The following SUSD3 variants were observed in gnomAD, a reference collection of about 807,000 sequenced individuals.
The protein encoded by SUSD3 is sushi domain-containing protein 3.
A neutral mutation model predicts 20.6 loss-of-function variants in SUSD3; 18 were observed. That is an observed-to-expected ratio of 0.87 (90% CI 0.60 to 1.30). The LOEUF (loss-of-function observed/expected upper bound fraction) is 1.30, where lower values mean the gene tolerates loss of function less well. Among genes scored for constraint, SUSD3 ranks in the 50% most tolerant of loss-of-function variants. SUSD3 has a pLI of 0.00. For synonymous variants in SUSD3, 137 were observed against 141.5 expected (o/e 0.97, Z 0.23); for missense variants, 306 against 346.9 (o/e 0.88, Z 0.94).
At chr9:93,062,845 T>C (rs983168170) in intron 1 of SUSD3, among the ~76,000 whole-genome samples, 6 of 152,130 alleles carry the variant, frequency 3.9e-5, no homozygotes, top group Non-Finnish European at 8.8e-5. Context: ...GGGAGTTGGG[T>C]GCAGGTAGAG....
At chr9:93,074,652 A>C (rs1587911603) in intron 1 of SUSD3, among the ~76,000 whole-genome samples, 2 of 122,072 alleles carry the variant, frequency 1.6e-5, no homozygotes, top group Non-Finnish European at 1.6e-5. Context: ...ATGCAGTCTC[A>C]CTCTGTTGCC....
At chr9:93,062,860 T>G (rs907608712) in intron 1 of SUSD3, among the ~76,000 whole-genome samples, 1 of 152,160 alleles carries the variant, frequency 6.6e-6, no homozygotes, top group African/African-American at 2.4e-5. Context: ...GTAGAGACTT[T>G]GTAGACCATA....
chr9:93,081,177 G>T (rs1826397161), intron 4 of SUSD3, among the ~76,000 whole-genome samples: 1 of 152,148 alleles, frequency 6.6e-6, no homozygotes, highest in Non-Finnish European at 1.5e-5. Flanking sequence ...TTCCTGCCTT[G>T]CACAAGATGT....
At chr9:93,075,731 T>TGGGGGGGGGG in intron 1 of SUSD3, 53 bp from the exon 2 acceptor site, 2 of 398,894 alleles carry the variant, frequency 5.0e-6, no homozygotes, top group Non-Finnish European at 8.9e-6. Flanking sequence ...AGCCCTGCCC[T>TGGGGGGGGGG]GCGTGCCCAC....
chr9:93,063,225 C>T lies in SUSD3; in HGVS notation c.88+4395C>T, dbSNP rs891108763. On this transcript the variant is annotated intron_variant, in intron 1 of 4. Coordinates refer to ENST00000375472, the MANE Select transcript of SUSD3 (RefSeq NM_145006.4). ...CTAAGGGCTGAAGTTTCCCTGTGTT[C>T]CATGGACCTTGGGGATTGAGGCCCA... 4.6e-5 allele frequency among the ~76,000 whole-genome samples: 7 copies of T among 152,286 alleles called. No homozygotes were observed. In the East Asian group the frequency reaches 1.4e-3, roughly 29 times the overall value.
In SUSD3 at chr9:93,085,057, T is replaced by G. The variant is rs1337259230; in HGVS notation, c.*310T>G. 1 of 289,412 alleles carries G rather than the reference T, an allele frequency of 3.5e-6. No homozygotes were observed. 17.9% of individuals were successfully genotyped at this position (289,412 alleles called of 1,614,324 possible). A position where few individuals can be genotyped will look rare whatever the true frequency, so the allele number is the denominator to read the frequency against. On this transcript the variant is annotated 3_prime_UTR_variant, in exon 5 of 5. Coordinates refer to ENST00000375472, the MANE Select transcript of SUSD3 (RefSeq NM_145006.4). The surrounding 1 kb of genome is among the most constrained non-coding windows in gnomAD (Gnocchi z 4.3). ...CTAACTAGCATTCCTTTAAAGAGAC[T>G]GGGAAATGTTTTAAGCAAATCTAGT... is the stretch of plus-strand genomic sequence containing the variant.
At chr9:93,069,142 A>T in intron 1 of SUSD3, 1 of 702,908 alleles carries the variant, frequency 1.4e-6, no homozygotes, top group Non-Finnish European at 2.6e-6. Flanking sequence ...AATTCCAGAG[A>T]TAATTTGTAA....
At chr9:93,062,214 G>A (rs879612819) in intron 1 of SUSD3, among the ~76,000 whole-genome samples, 1 of 152,238 alleles carries the variant, frequency 6.6e-6, no homozygotes, top group African/African-American at 2.4e-5. Flanking sequence ...GGCCGCTCAG[G>A]CATCACACAG....
At chr9:93,084,032 G>T (rs1209892989) in intron 4 of SUSD3, among the ~76,000 whole-genome samples, 1 of 152,104 alleles carries the variant, frequency 6.6e-6, no homozygotes, top group Non-Finnish European at 1.5e-5. Context: ...GGAATGGCTT[G>T]GTTTGTATCT....
Position 93,084,650 on chromosome 9 carries a change from A to T in SUSD3, c.671A>T (p.Gln224Leu). The change falls in exon 5 of 5, where the codon CAG becomes CTG. Residue 224 changes from glutamine to leucine, a missense_variant. Transcript: ENST00000375472. ...LSGSSSSPQA[Q>L]VMVHMANPRQ... ...GGCTCCTCCAGCTCACCCCAAGCCC[A>T]GGTGATGGTGCACATGGCAAACCCC... 6.2e-7 allele frequency: 1 copy of T among 1,608,988 alleles called. No homozygotes were observed. Among genetic ancestry groups the T allele is most frequent in the East Asian group, 2.2e-5 (1 of 44,662 alleles).
intron 1 of SUSD3, among the ~76,000 whole-genome samples, chr9:93,070,683 ACC>A (rs768731709): frequency 1.3e-5 from 2 of 152,022 alleles, no homozygotes; most frequent in Non-Finnish European, 2.9e-5. Context: ...TTTCCTCAGC[ACC>A]CCAGTCCAAG....
rs1333745215 is a variant in SUSD3 at position 93,058,762 on chromosome 9, C to T, written c.20C>T (p.Thr7Ile). 8 of 1,236,806 alleles carry T rather than the reference C, an allele frequency of 6.5e-6. No individual in the cohort carries two copies. Among genetic ancestry groups the T allele is most frequent in the Non-Finnish European group, 8.1e-6 (8 of 990,148 alleles). 76.6% of individuals were successfully genotyped at this position (1,236,806 alleles called of 1,614,324 possible). MRWAAA[T>I]LRGKARPRGR... ...CGCAGGATGCGCTGGGCGGCCGCCA[C>T]CCTCCGTGGCAAGGCGAGGCCCCGG... Residue 7 changes from threonine (T) to isoleucine (I), a missense_variant, in exon 1 of 5, where the codon ACC becomes ATC. Physicochemically the swap from Thr to Ile is moderately conservative, Grantham distance 89 (BLOSUM62 -1). Transcript: ENST00000375472.
intron 4 of SUSD3, among the ~76,000 whole-genome samples, chr9:93,082,599 G>T (rs1826464813): frequency 6.6e-6 from 1 of 152,188 alleles, no homozygotes; most frequent in Admixed American, 6.5e-5. Context: ...TTACAGGCGT[G>T]AGCCACCGTG....
At chr9:93,073,858 G>A (rs905986406) in intron 1 of SUSD3, among the ~76,000 whole-genome samples, 10 of 152,142 alleles carry the variant, frequency 6.6e-5, no homozygotes, top group African/African-American at 1.4e-4. Flanking sequence ...GTGTATGAAC[G>A]TGTGTGAAGT....
chr9:93,064,524 C>T (rs553640757), intron 1 of SUSD3, among the ~76,000 whole-genome samples: 5 of 152,324 alleles, frequency 3.3e-5, no homozygotes, highest in Non-Finnish European at 5.9e-5. Flanking sequence ...TATAGCAGAA[C>T]CTGGCGGCTG....
intron 2 of SUSD3, 49 bp from the exon 3 acceptor site, chr9:93,077,797 C>A (rs1223285166): frequency 1.2e-6 from 2 of 1,610,002 alleles, no homozygotes; most frequent in East Asian, 4.5e-5. Context: ...CTGGGCCAAG[C>A]AAATCTGGGC....
In SUSD3 at chr9:93,075,110, C is replaced by A. The variant is rs1011632463; in HGVS notation, c.89-674C>A. 5.3e-5 allele frequency among the ~76,000 whole-genome samples: 8 copies of A among 152,178 alleles called. 1 individual carries two copies. The East Asian group carries it at 1.5e-3, about 29-fold the overall frequency. On this transcript the variant is annotated intron_variant, in intron 1 of 4. Transcript: ENST00000375472. ...AAAAATGAGCTCTCCCTTGAATCAA[C>A]ATTTCCTCAATTGCCTGTGGGTCTG...
chr9:93,065,950 A>G (rs1300148989), intron 1 of SUSD3, among the ~76,000 whole-genome samples: 4 of 152,206 alleles, frequency 2.6e-5, no homozygotes, highest in African/African-American at 9.7e-5. Context: ...GCCCAGGGTT[A>G]TAGGAAATAG....
At chr9:93,082,288 G>A (rs2119009984) in intron 4 of SUSD3, among the ~76,000 whole-genome samples, 1 of 143,434 alleles carries the variant, frequency 7.0e-6, no homozygotes, top group South Asian at 2.3e-4. Context: ...TCAATTGGCT[G>A]TACATTTTTT....
Sources: allele counts gnomAD v4.1 joint callset (sites outside exome capture counted in the v4.1 genomes callset), GRCh38; gene constraint gnomAD v4.1.1; non-coding constraint Gnocchi (gnomAD v3.1); transcripts MANE v1.5; gene names NCBI Gene and HGNC (gene_info 2026-07-23, HGNC 2026-07-21).